DENND1B: variants seen among roughly 807,000 people sequenced by gnomAD.
The protein encoded by DENND1B is DENN domain containing 1B.
DENND1B carries 59 observed loss-of-function variants against 90.1 expected under a neutral mutation model. That is an observed-to-expected ratio of 0.65 (90% confidence interval 0.53 to 0.81). The LOEUF (loss-of-function observed/expected upper bound fraction) is 0.81, where lower values mean the gene tolerates loss of function less well. Among genes scored for constraint, DENND1B ranks in the 40% least tolerant of loss-of-function variants. DENND1B has a pLI of 0.00. For missense variants in DENND1B, 862 were observed against 912.6 expected (o/e 0.94, Z 0.71); for synonymous variants, 337 against 324.6 (o/e 1.04, Z -0.41).
rs1314949882 is a variant in DENND1B at position 197,607,161 on chromosome 1, T to A, written c.833A>T (p.Lys278Ile). Residue 278 changes from lysine (K) to isoleucine (I), a missense_variant, in exon 13 of 23, where the codon AAA (lysine) becomes ATA (isoleucine). Transcript: ENST00000620048. Reference sequence around the variant, plus strand: ...TAACATAACAACATCTTCCAATGATTTGTTTTTCACTCTCTATAAAAAAAA... The same window carrying A: ...TAACATAACAACATCTTCCAATGATATGTTTTTCACTCTCTATAAAAAAAA... Reference protein sequence around the residue: ...HSSLIERVKNKSLEDVVMLNV... With the variant: ...HSSLIERVKNISLEDVVMLNV... The A allele has an allele frequency of 6.6e-7, 1 of 1,525,294 alleles. No individual in the cohort carries two copies. 94.5% of individuals were successfully genotyped at this position (1,525,294 alleles called of 1,614,324 possible). A position where few individuals can be genotyped will look rare whatever the true frequency, so the allele number is the denominator to read the frequency against.
At chr1:197,698,266 C>T (rs989000630) in intron 3 of DENND1B, among the ~76,000 whole-genome samples, 1 of 152,098 alleles carries the variant, frequency 6.6e-6, no homozygotes, top group Admixed American at 6.6e-5. Flanking sequence ...GACATTCACT[C>T]GAAACCCCAC....
At chr1:197,721,046 G>A (rs1295157974) in intron 2 of DENND1B, among the ~76,000 whole-genome samples, 3 of 150,722 alleles carry the variant, frequency 2.0e-5, no homozygotes, top group Non-Finnish European at 2.9e-5. Flanking sequence ...AAACTTCTGA[G>A]GTGGGCCTGA....
intron 2 of DENND1B, among the ~76,000 whole-genome samples, chr1:197,752,670 T>C (rs2102416931): frequency 6.6e-6 from 1 of 152,114 alleles, no homozygotes; most frequent in South Asian, 2.1e-4. Context: ...TACTTTAAGT[T>C]CTAGGGTACA....
At chr1:197,664,335 T>G (rs1220935478) in intron 5 of DENND1B, among the ~76,000 whole-genome samples, 2 of 152,108 alleles carry the variant, frequency 1.3e-5, no homozygotes, top group African/African-American at 4.8e-5. Flanking sequence ...TTTTTAAAAT[T>G]GAACAAAGAA....
At chr1:197,529,205 T>C (rs1415367572) in intron 20 of DENND1B, among the ~76,000 whole-genome samples, 1 of 882 alleles carries the variant, frequency 1.1e-3, no homozygotes, top group African/African-American at 1.5e-3. Context: ...TTAAGAGTGA[T>C]ATATATATAT....
chr1:197,548,511 G>T (rs1670980980), intron 16 of DENND1B, among the ~76,000 whole-genome samples: 1 of 152,104 alleles, frequency 6.6e-6, no homozygotes, highest in African/African-American at 2.4e-5. Context: ...GTATATTGAA[G>T]AAATATCATA....
chr1:197,605,023 T>C (rs1335120793), intron 13 of DENND1B, among the ~76,000 whole-genome samples: 1 of 151,116 alleles, frequency 6.6e-6, no homozygotes, highest in Non-Finnish European at 1.5e-5. Context: ...CTCAGAACTA[T>C]TTTTATTTGT....
chr1:197,727,257 C>T (rs370437343), intron 2 of DENND1B, among the ~76,000 whole-genome samples: 1 of 151,994 alleles, frequency 6.6e-6, no homozygotes, highest in Non-Finnish European at 1.5e-5. Flanking sequence ...TAATTAGCGC[C>T]GGGCGCAGTG....
rs2102392831 is a variant in DENND1B at position 197,746,981 on chromosome 1, T to A, written c.82+25887A>T. On this transcript the variant is annotated intron_variant, in intron 2 of 22. Transcript: ENST00000620048. The stretch of plus-strand genomic sequence containing the variant: ...TTCCACCCCTCCACAGCCTGGTCTA[T>A]CCTCTCTTCAAGGCCTGATTTCTCA... The A allele has an allele frequency of 1.5e-5, 16 of 1,048,416 alleles. No homozygotes were observed. In the South Asian group the frequency reaches 2.0e-4, roughly 13 times the overall value. The allele number at this position is 1,048,416 out of a possible 1,614,324, so 64.9% of individuals were successfully genotyped here. A position where few individuals can be genotyped will look rare whatever the true frequency, so the allele number is the denominator to read the frequency against.
intron 20 of DENND1B, among the ~76,000 whole-genome samples, chr1:197,528,840 A>G (rs1669338484): frequency 6.8e-6 from 1 of 147,240 alleles, no homozygotes; most frequent in Non-Finnish European, 1.5e-5. Flanking sequence ...AGCCTGGGTG[A>G]CAGAGCGAGA....
intron 5 of DENND1B, among the ~76,000 whole-genome samples, chr1:197,664,359 C>T (rs1371246101): frequency 1.3e-5 from 2 of 152,040 alleles, no homozygotes; most frequent in African/African-American, 4.8e-5. Context: ...CTGTGACTCT[C>T]GCACTCTTGC....
At chr1:197,656,150 A>T (rs1653799656) in intron 6 of DENND1B, among the ~76,000 whole-genome samples, 1 of 151,946 alleles carries the variant, frequency 6.6e-6, no homozygotes, top group Non-Finnish European at 1.5e-5. Flanking sequence ...AGTCTTCAAG[A>T]CTCTTTTCAT....
At chr1:197,721,140 G>C (rs912675749) in intron 2 of DENND1B, among the ~76,000 whole-genome samples, 2 of 134,386 alleles carry the variant, frequency 1.5e-5, no homozygotes, top group Admixed American at 8.9e-5. Flanking sequence ...CACAATCTCT[G>C]CTCACTGCAA....
chr1:197,641,904 T>G (rs975530586), intron 10 of DENND1B, among the ~76,000 whole-genome samples: 7 of 152,140 alleles, frequency 4.6e-5, no homozygotes, highest in Non-Finnish European at 8.8e-5. Flanking sequence ...ATGGTTTTAT[T>G]TATCAATTAA....
chr1:197,720,833 C>T (rs1291675982), intron 2 of DENND1B, among the ~76,000 whole-genome samples: 7 of 152,110 alleles, frequency 4.6e-5, no homozygotes. Context: ...AAAATAAAAA[C>T]AAATTCATTG....
chr1:197,622,784 C>T (rs973966874), intron 10 of DENND1B, among the ~76,000 whole-genome samples: 2 of 151,434 alleles, frequency 1.3e-5, no homozygotes, highest in African/African-American at 4.8e-5. Flanking sequence ...AGTTGTCCTG[C>T]TTTGTGATAC....
At chr1:197,610,195 A>G (rs554763181) in intron 12 of DENND1B, among the ~76,000 whole-genome samples, 140 of 150,802 alleles carry the variant, frequency 9.3e-4, no homozygotes, top group African/African-American at 3.3e-3. Flanking sequence ...AGAGATTTCA[A>G]CCAGTCTAAT....
intron 16 of DENND1B, among the ~76,000 whole-genome samples, chr1:197,549,291 T>G (rs1167653203): frequency 6.6e-6 from 1 of 152,158 alleles, no homozygotes; most frequent in Non-Finnish European, 1.5e-5. Context: ...TTGGTCTAAA[T>G]TGTTCAACAA....
intron 2 of DENND1B, among the ~76,000 whole-genome samples, chr1:197,736,804 C>G (rs933854724): frequency 2.0e-5 from 3 of 152,150 alleles, no homozygotes; most frequent in African/African-American, 7.2e-5. Flanking sequence ...ACTGATCTTG[C>G]TTGCCTTTCT....
Sources: allele counts gnomAD v4.1 joint callset (sites outside exome capture counted in the v4.1 genomes callset), GRCh38; gene constraint gnomAD v4.1.1; transcripts MANE v1.5; gene names NCBI Gene and HGNC (gene_info 2026-07-23, HGNC 2026-07-21).